The following UBP1 variants were observed in gnomAD, a reference collection of about 807,000 sequenced individuals.
UBP1 encodes upstream-binding protein 1.
UBP1 carries 22 observed loss-of-function variants against 76.1 expected under a neutral mutation model. The ratio of observed to expected loss-of-function variants is 0.29; its 90% CI spans 0.21 to 0.41. The LOEUF (loss-of-function observed/expected upper bound fraction) is 0.41, where lower values mean the gene tolerates loss of function less well. Ranked by LOEUF, UBP1 falls within the 10% of genes least tolerant of loss-of-function variation. UBP1 has a pLI of 1.00. For missense variants in UBP1, 436 were observed against 668.1 expected (o/e 0.65, Z 3.83); for synonymous variants, 224 against 237.1 (o/e 0.94, Z 0.51).
intron 8 of UBP1, among the ~76,000 whole-genome samples, chr3:33,408,226 T>C (rs2044480345): frequency 4.6e-5 from 7 of 152,156 alleles, no homozygotes; most frequent in Admixed American, 4.6e-4. Context: ...CGTGTTAATG[T>C]CAAGCTTGCT....
chr3:33,393,371 G>C lies in UBP1; in HGVS notation c.1474C>G (p.Gln492Glu). ...LALVFNIPLH[Q>E]INQVYRQGPT... Reference sequence around the variant, plus strand: ...CCCTGTCTGTAAACCTGATTAATTTGGTGGAGAGGGATATTAAACACCAGC... The same window carrying C: ...CCCTGTCTGTAAACCTGATTAATTTCGTGGAGAGGGATATTAAACACCAGC... Residue 492 changes from glutamine to glutamate, a missense_variant, in exon 14 of 16, where the codon CAA becomes GAA. By Grantham distance (29) the Gln-to-Glu change is conservative. Coordinates refer to ENST00000283629, the MANE Select transcript of UBP1 (RefSeq NM_014517.5). 1 of 1,613,014 alleles carries C rather than the reference G, an allele frequency of 6.2e-7. No individual in the cohort carries two copies. Among genetic ancestry groups the C allele is most frequent in the Non-Finnish European group, 8.5e-7 (1 of 1,179,484 alleles).
At chr3:33,426,017 A>G (rs1242864399) in intron 1 of UBP1, among the ~76,000 whole-genome samples, 1 of 98,864 alleles carries the variant, frequency 1.0e-5, no homozygotes, top group Non-Finnish European at 2.1e-5. Context: ...ATATATATAT[A>G]TATATATATA....
At chr3:33,395,752 A>G (rs1402538349) in intron 13 of UBP1, among the ~76,000 whole-genome samples, 1 of 105,468 alleles carries the variant, frequency 9.5e-6, no homozygotes, top group Non-Finnish European at 1.9e-5. Flanking sequence ...GGAAAATTGA[A>G]AAAAAAAAAA....
Position 33,412,824 on chromosome 3 carries a change from T to C in UBP1, c.346A>G (p.Ile116Val). Reference protein sequence around the residue: ...PEINGKLVKSIIRVVFHDRRL... With the variant: ...PEINGKLVKSVIRVVFHDRRL... ...CTGTCATGGAATACAACCCTTATGA[T>C]GCTCTGTGGAATAAGTGCGGAAAAT... Residue 116 changes from isoleucine to valine, a missense_variant, in exon 4 of 16, where the codon ATC (isoleucine) becomes GTC (valine). Physicochemically the swap from Ile to Val is conservative, Grantham distance 29. Around this residue, in one of 3 missense-constraint regions of UBP1, gnomAD observed 161 missense variants for 237.9 expected, o/e 0.68. Coordinates refer to ENST00000283629, the MANE Select transcript of UBP1 (RefSeq NM_014517.5). 1 of 1,610,542 alleles carries C rather than the reference T, an allele frequency of 6.2e-7. No individual in the cohort carries two copies. Among genetic ancestry groups the C allele is most frequent in the Non-Finnish European group, 8.5e-7 (1 of 1,176,756 alleles).
At chr3:33,425,168 A>T (rs2044991478) in intron 2 of UBP1, among the ~76,000 whole-genome samples, 1 of 152,210 alleles carries the variant, frequency 6.6e-6, no homozygotes, top group South Asian at 2.1e-4. Context: ...ATAAAATTTG[A>T]TGTTTATTTA....
At chr3:33,391,179 A>C (rs540654605) in intron 15 of UBP1, 38 of 152,240 alleles carry the variant, frequency 2.5e-4, no homozygotes, top group Non-Finnish European at 5.3e-4. Context: ...GGCATACGCA[A>C]CATGTGAGGC....
Position 33,393,448 on chromosome 3 carries a change from T to C in UBP1, c.1397A>G (p.His466Arg). ...AATCATTTCTTCCAAGTAGATTGCA[T>C]GATAAACTGAAATTAAAAAAAAAAA... ...ENGSGAPYVYHAIYLEEMIAS... is the reference protein window; with the variant it reads ...ENGSGAPYVYRAIYLEEMIAS... The change falls in exon 14 of 16, where the codon CAT (histidine) becomes CGT (arginine). Residue 466 changes from histidine to arginine, a missense_variant. By Grantham distance (29) the His-to-Arg change is conservative. Transcript: ENST00000283629. 1 of 1,588,858 alleles carries C rather than the reference T, an allele frequency of 6.3e-7. No homozygotes were observed. Among genetic ancestry groups the C allele is most frequent in the Non-Finnish European group, 8.5e-7 (1 of 1,172,854 alleles).
chr3:33,398,379 G>C (rs557375843), intron 11 of UBP1: 87 of 152,350 alleles, frequency 5.7e-4, no homozygotes, highest in African/African-American at 1.9e-3. Flanking sequence ...AGTCAGGTAA[G>C]CAAAGAGGCT....
intron 1 of UBP1, among the ~76,000 whole-genome samples, chr3:33,426,418 GGTTTT>G (rs2045019468): frequency 1.3e-5 from 2 of 151,974 alleles, no homozygotes; most frequent in African/African-American, 4.8e-5. Flanking sequence ...GATGTTGTTT[GGTTTT>G]AACAGCTTTA....
chr3:33,439,859 C>A lies in UBP1; in HGVS notation c.-11G>T, dbSNP rs762275556. ...GAGCACCCAGGCCATCTTCCGGCCT[C>A]GCCGTCGCCCCGCACACCGCGGCCT... On this transcript the variant is annotated 5_prime_UTR_variant, in exon 1 of 16. Transcript: ENST00000283629. 1 of 1,610,706 alleles carries A rather than the reference C, an allele frequency of 6.2e-7. No individual in the cohort carries two copies. Among genetic ancestry groups the A allele is most frequent in the Non-Finnish European group, 8.5e-7 (1 of 1,179,026 alleles).
chr3:33,429,085 T>TA (rs1445840362), intron 1 of UBP1, among the ~76,000 whole-genome samples: 5 of 152,244 alleles, frequency 3.3e-5, no homozygotes, highest in Admixed American at 6.5e-5. Context: ...TATAAGCACG[T>TA]AACTCCAAAT....
At chr3:33,412,909 C>T (rs912348911) in intron 3 of UBP1, 82 bp from the exon 4 acceptor site, 13 of 895,492 alleles carry the variant, frequency 1.5e-5, no homozygotes, top group Non-Finnish European at 2.3e-5. Context: ...TATGTGTTAA[C>T]CTGTAGCAGT....
At chr3:33,417,667 G>A (rs1248402897) in intron 2 of UBP1, among the ~76,000 whole-genome samples, 1 of 151,990 alleles carries the variant, frequency 6.6e-6, no homozygotes, top group African/African-American at 2.4e-5. Context: ...AATTAATAAT[G>A]TACTCCAAAT....
chr3:33,416,112 T>C (rs1205759375), intron 3 of UBP1: 3 of 152,194 alleles, frequency 2.0e-5, no homozygotes, highest in African/African-American at 7.2e-5. Flanking sequence ...TGTGGGAAGA[T>C]GGAAGGATCA....
At chr3:33,434,682 CTT>C (rs10709462) in intron 1 of UBP1, among the ~76,000 whole-genome samples, 37 of 87,722 alleles carry the variant, frequency 4.2e-4, no homozygotes, top group African/African-American at 1.3e-3. Context: ...AATGGTTTTA[CTT>C]TTTTTTTTTT....
intron 2 of UBP1, among the ~76,000 whole-genome samples, chr3:33,423,575 G>A (rs1412188961): frequency 6.6e-6 from 1 of 152,088 alleles, no homozygotes; most frequent in Non-Finnish European, 1.5e-5. Context: ...AGAGGCACAA[G>A]GGAGCCTGCT....
In UBP1 at chr3:33,396,269, G is replaced by T; in HGVS notation, c.1283C>A (p.Pro428His). ...YNSLKSRSVR[P>H]RLTIYVCREQ... ...CCGGCAGACATAGATGGTTAAACGG[G>T]GTCTAACCGACCTGCAATCAGAAGA... Residue 428 changes from proline (P) to histidine (H), a missense_variant, in exon 13 of 16, where the codon CCC becomes CAC. Pro to His is a moderately conservative substitution (Grantham distance 77, BLOSUM62 -2). This residue lies in a region of UBP1 where 210 missense variants were observed against 272.8 expected (regional missense o/e 0.77). Transcript: ENST00000283629. The T allele has an allele frequency of 6.3e-7, 1 of 1,577,456 alleles. No individual in the cohort carries two copies. Among genetic ancestry groups the T allele is most frequent in the Non-Finnish European group, 8.7e-7 (1 of 1,151,170 alleles).
At chr3:33,404,184 G>T (rs55951549) in intron 8 of UBP1, among the ~76,000 whole-genome samples, 1 of 152,022 alleles carries the variant, frequency 6.6e-6, no homozygotes, top group African/African-American at 2.4e-5. Flanking sequence ...AGGCTGAGGT[G>T]GGTGGATCAT....
At chr3:33,393,804 G>A (rs1001339831) in intron 13 of UBP1, among the ~76,000 whole-genome samples, 9 of 152,110 alleles carry the variant, frequency 5.9e-5, no homozygotes, top group African/African-American at 2.2e-4. Context: ...GGCTGCAAAT[G>A]GACATGGGGG....
Sources: gnomAD v4.1 joint callset for allele counts (sites outside exome capture counted in the v4.1 genomes callset) on GRCh38, gnomAD v4.1.1 for gene constraint, gnomAD v4.1.1 regional missense constraint, MANE v1.5 for transcripts, NCBI Gene and HGNC (gene_info 2026-07-23, HGNC 2026-07-21) for gene names.